LCOR: variants seen among roughly 807,000 people sequenced by gnomAD.
The protein encoded by LCOR is ligand dependent nuclear receptor corepressor.
Under a neutral mutation model 64.4 loss-of-function variants are expected in LCOR, and 14 were observed. The observed-to-expected ratio is 0.22, with a 90% CI of 0.14 to 0.34. The LOEUF is 0.34. Ranked by LOEUF, LCOR falls within the 10% of genes least tolerant of loss-of-function variation. The pLI is 1.00. For missense variants in LCOR, 1,686 were observed against 1,765.3 expected, an observed-to-expected ratio of 0.96 and a Z score of 0.80; for synonymous variants, 643 against 642.5, an observed-to-expected ratio of 1.00 and a Z score of -0.01.
chr10:96,849,792 A>G (rs1845695220), intron 2 of LCOR, among the ~76,000 whole-genome samples: 1 of 151,806 alleles, frequency 6.6e-6, no homozygotes, highest in African/African-American at 2.4e-5. Flanking sequence ...TGTGCAGACC[A>G]GATGTGTCAG....
intron 2 of LCOR, among the ~76,000 whole-genome samples, chr10:96,857,659 A>G (rs558882549): frequency 6.6e-6 from 1 of 152,314 alleles, no homozygotes; most frequent in Non-Finnish European, 1.5e-5. Flanking sequence ...TTAGAAAAAT[A>G]CTGCCTAAAG....
chr10:96,832,338 T>A lies in LCOR; in HGVS notation c.-465T>A. The A allele has an allele frequency of 1.0e-6, 1 of 984,490 alleles. No homozygotes were observed. Among genetic ancestry groups the A allele is most frequent in the Non-Finnish European group, 1.2e-6 (1 of 829,586 alleles). The allele number at this position is 984,490 out of a possible 1,614,324, so 61.0% of individuals were successfully genotyped here. A position where few individuals can be genotyped will look rare whatever the true frequency, so the allele number is the denominator to read the frequency against. On this transcript the variant is annotated 5_prime_UTR_variant, in exon 1 of 8. An upstream open reading frame in the 5' UTR loses its in-frame stop. Coordinates refer to ENST00000421806, the MANE Select transcript of LCOR (RefSeq NM_001346516.2). The stretch of plus-strand genomic sequence containing the variant: ...TGTGTAGGCGGCAGCAATGCTCCGT[T>A]GAGAGACGCGGCTTTCGGCAAGAAC...
chr10:96,915,399 TAGTCCC>T (rs1846922440), intron 4 of LCOR, among the ~76,000 whole-genome samples: 1 of 152,154 alleles, frequency 6.6e-6, no homozygotes, highest in Non-Finnish European at 1.5e-5. Flanking sequence ...CGTGCGCCTG[TAGTCCC>T]AGCTACTTGG....
chr10:96,955,240 T>A (rs749495996), intron 7 of LCOR: 1 of 1,614,206 alleles, frequency 6.2e-7, no homozygotes, highest in East Asian at 2.2e-5. Flanking sequence ...CTCAGCCGTA[T>A]GAAGTTCAGG....
At chr10:96,880,500 C>T (rs941862529) in intron 2 of LCOR, among the ~76,000 whole-genome samples, 4 of 152,144 alleles carry the variant, frequency 2.6e-5, no homozygotes, top group African/African-American at 9.7e-5. Flanking sequence ...CGGGTTCAAG[C>T]GATTCTCGTG....
At chr10:96,887,873 G>A (rs961567777) in intron 2 of LCOR, among the ~76,000 whole-genome samples, 4 of 151,122 alleles carry the variant, frequency 2.6e-5, no homozygotes, top group African/African-American at 7.3e-5. Flanking sequence ...TACAGACAGC[G>A]TTTCACCATG....
chr10:96,958,618 G>C, intron 7 of LCOR: 3 of 596,772 alleles, frequency 5.0e-6, no homozygotes, highest in Non-Finnish European at 9.0e-6. Context: ...CCTGAGACCT[G>C]AAGATTGTAA....
chr10:96,900,613 G>C (rs1340341037), intron 2 of LCOR, among the ~76,000 whole-genome samples: 3 of 151,950 alleles, frequency 2.0e-5, no homozygotes, highest in Non-Finnish European at 2.9e-5. Context: ...ACATATTAGA[G>C]ATCAAAAGAC....
chr10:96,847,264 A>C (rs1327754536), intron 2 of LCOR, among the ~76,000 whole-genome samples: 1 of 151,736 alleles, frequency 6.6e-6, no homozygotes, highest in Non-Finnish European at 1.5e-5. Context: ...AAGAGAAGCT[A>C]GAATTTTCCA....
rs547467409 is a variant in LCOR at position 96,957,841 on chromosome 10, A to C, written c.332+5645A>C. ...TCTTGTTTTGGTTATTTTGTGTAGC[A>C]GTTTAATCAGTGGATAACTGAGCCT... On this transcript the variant is annotated intron_variant, in intron 7 of 7. Coordinates refer to ENST00000421806, the MANE Select transcript of LCOR (RefSeq NM_001346516.2). 3 of 985,834 alleles carry C rather than the reference A, an allele frequency of 3.0e-6. No individual in the cohort carries two copies. In the African/African-American group the frequency reaches 5.2e-5, roughly 17 times the overall value. The allele number at this position is 985,834 out of a possible 1,614,324, so 61.1% of individuals were successfully genotyped here. A position where few individuals can be genotyped will look rare whatever the true frequency, so the allele number is the denominator to read the frequency against.
chr10:96,866,576 T>C (rs768851819), intron 2 of LCOR, among the ~76,000 whole-genome samples: 74 of 152,148 alleles, frequency 4.9e-4, no homozygotes, highest in Non-Finnish European at 8.1e-4. Context: ...TATAAGAAAT[T>C]GCCAAATAAC....
At chr10:96,900,602 A>G (rs1222322253) in intron 2 of LCOR, among the ~76,000 whole-genome samples, 1 of 152,070 alleles carries the variant, frequency 6.6e-6, no homozygotes, top group African/African-American at 2.4e-5. Context: ...GAAGACTGAC[A>G]ACATATTAGA....
chr10:96,845,890 A>G (rs1845621245), intron 2 of LCOR, among the ~76,000 whole-genome samples: 1 of 152,028 alleles, frequency 6.6e-6, no homozygotes, highest in Non-Finnish European at 1.5e-5. Context: ...TGAATGTTTA[A>G]TAGAGCTAAT....
chr10:96,932,492 T>C (rs1847277976), intron 4 of LCOR, among the ~76,000 whole-genome samples: 1 of 152,078 alleles, frequency 6.6e-6, no homozygotes, highest in Non-Finnish European at 1.5e-5. Flanking sequence ...TGAGACAGAG[T>C]CTCGCTCTGT....
rs1308536475 is a variant in LCOR, at chr10:96,990,378, C to T, written c.*5244C>T. 1 of 152,108 alleles carries T rather than the reference C, an allele frequency of 6.6e-6. No homozygotes were observed. Among genetic ancestry groups the T allele is most frequent in the Non-Finnish European group, 1.5e-5 (1 of 68,054 alleles). The allele number at this position is 152,108 out of a possible 1,614,324, so 9.4% of individuals were successfully genotyped here. ...AGCTGGGACTACAGGTGCATGCCACCACACCCAGTTAATTTTTTTTTTTTT... is the reference window on the plus strand; with the variant it reads ...AGCTGGGACTACAGGTGCATGCCACTACACCCAGTTAATTTTTTTTTTTTT... On this transcript the variant is annotated 3_prime_UTR_variant, in exon 8 of 8. Coordinates refer to ENST00000421806, the MANE Select transcript of LCOR (RefSeq NM_001346516.2).
At chr10:96,841,362 CT>C (rs199853768) in intron 2 of LCOR, among the ~76,000 whole-genome samples, 7,583 of 134,700 alleles carry the variant, frequency 0.056, 352 homozygotes, top group East Asian at 0.27. Flanking sequence ...AAAACTTACA[CT>C]TTTTTTTTTT....
chr10:96,972,835 T>G (rs1269368599), intron 7 of LCOR, among the ~76,000 whole-genome samples: 1 of 152,236 alleles, frequency 6.6e-6, no homozygotes, highest in Non-Finnish European at 1.5e-5. Flanking sequence ...TCATTATTTT[T>G]GAACCTTTAT....
chr10:96,913,631 G>A (rs1846884948), intron 4 of LCOR, among the ~76,000 whole-genome samples: 1 of 152,188 alleles, frequency 6.6e-6, no homozygotes, highest in Non-Finnish European at 1.5e-5. Context: ...CAAGAAGTTA[G>A]AACTTGAGGT....
At chr10:96,862,883 CTT>C (rs1384673987) in intron 2 of LCOR, among the ~76,000 whole-genome samples, 21 of 142,018 alleles carry the variant, frequency 1.5e-4, no homozygotes, top group Non-Finnish European at 9.3e-5. Flanking sequence ...CTTTTCTTTT[CTT>C]TTTTTTTTTT....
Sources: gnomAD v4.1 joint callset for allele counts (sites outside exome capture counted in the v4.1 genomes callset) on GRCh38, gnomAD v4.1.1 for gene constraint, MANE v1.5 for transcripts, NCBI Gene and HGNC (gene_info 2026-07-23, HGNC 2026-07-21) for gene names.